Variants in SBNO1 observed in about 807,000 individuals in gnomAD.
SBNO1 encodes the protein strawberry notch homolog 1.
In SBNO1, 23 loss-of-function variants were observed where a neutral mutation model predicts 173.6. The ratio of observed to expected loss-of-function variants is 0.13; its 90% CI spans 0.10 to 0.19. The LOEUF is 0.19. SBNO1 is among the 10% of genes least tolerant of loss of function. The probability of loss-of-function intolerance (pLI) is 1.00; values close to 1 mark genes in which losing one functional copy is unlikely to be tolerated. For missense variants in SBNO1, 1,238 were observed against 1,671.2 expected, an observed-to-expected ratio of 0.74 and a Z score of 4.52; for synonymous variants, 632 against 571.5, an observed-to-expected ratio of 1.11 and a Z score of -1.51.
chr12:123,296,001 T>G lies in SBNO1; in HGVS notation c.4089A>C (p.Ser1363=). Residue 1363 remains serine, a synonymous_variant, in exon 32 of 32, where the codon TCA becomes TCC. Transcript: ENST00000602398. ...NCVSPLVNLL[S]TSDQSQQLAV... is the part of the protein sequence containing the mutation. ...CAAGCTGTTGAGACTGGTCTGAAGT[T>G]GATAGGAGATTTACAAGAGGAGACA... The G allele has an allele frequency of 6.2e-7, 1 of 1,614,048 alleles. No individual in the cohort carries two copies. Among genetic ancestry groups the G allele is most frequent in the Non-Finnish European group, 8.5e-7 (1 of 1,179,920 alleles).
At chr12:123,325,799 C>A (rs947838348) in intron 14 of SBNO1, among the ~76,000 whole-genome samples, 200 bp from the exon 15 acceptor site, 1 of 152,132 alleles carries the variant, frequency 6.6e-6, no homozygotes, top group African/African-American at 2.4e-5. Flanking sequence ...GATAGGATTA[C>A]AGACAGTAGT....
chr12:123,330,484 A>G lies in SBNO1; in HGVS notation c.1069T>C (p.Tyr357His), dbSNP rs1478685277. ...LWFSVSNDLK[Y>H]DAERDLRDIG... Reference sequence around the variant, plus strand: ...TCCCTTAAATCTCTTTCAGCATCATACTTTAAGTCATTTGAAACACTAAAC... The same window carrying G: ...TCCCTTAAATCTCTTTCAGCATCATGCTTTAAGTCATTTGAAACACTAAAC... Residue 357 changes from tyrosine (Y) to histidine (H), a missense_variant, in exon 9 of 32, where the codon TAT (tyrosine) becomes CAT (histidine). Tyr to His is a moderately conservative substitution (Grantham distance 83). This residue lies in a region of SBNO1 where 56 missense variants were observed against 65.1 expected (regional missense o/e 0.86). Coordinates refer to ENST00000602398, the MANE Select transcript of SBNO1 (RefSeq NM_001167856.3). 2 of 1,601,366 alleles carry G rather than the reference A, an allele frequency of 1.2e-6. No individual in the cohort carries two copies.
rs1180809838 is a variant in SBNO1, at chr12:123,309,853, T to A, written c.3299A>T (p.Tyr1100Phe). 1 of 1,581,206 alleles carries A rather than the reference T, an allele frequency of 6.3e-7. No individual in the cohort carries two copies. Among genetic ancestry groups the A allele is most frequent in the Non-Finnish European group, 8.6e-7 (1 of 1,164,938 alleles). ...ATTTAAGAATTTTCCTATGTTGTTA[T>A]AATCTGTAATGACAAAAGATAAACG... is the stretch of plus-strand genomic sequence containing the variant. The part of the protein sequence containing the change: ...RSGILTLDKD[Y>F]NNIGKFLNRI... Residue 1100 changes from tyrosine (Y) to phenylalanine (F), a missense_variant, in exon 26 of 32, where the codon TAT becomes TTT. Physicochemically the swap from Tyr to Phe is conservative, Grantham distance 22 (BLOSUM62 3). Around this residue, in one of 14 missense-constraint regions of SBNO1, gnomAD observed 351 missense variants for 420.3 expected, o/e 0.84. Coordinates refer to ENST00000602398, the MANE Select transcript of SBNO1 (RefSeq NM_001167856.3).
Position 123,309,397 on chromosome 12 carries a change from A to T in SBNO1, c.3543T>A (p.Ser1181Arg), listed in dbSNP as rs773177578. ...TSGHVELYTI[S>R]VERGMSWEEA... ...CCTCCCATGACATTCCCCTCTCTAC[A>T]CTAATCTGTAAGAGAAACAACGAAA... The change falls in exon 28 of 32, where the codon AGT becomes AGA. Residue 1181 changes from serine (S) to arginine (R), a missense_variant. Coordinates refer to ENST00000602398, the MANE Select transcript of SBNO1 (RefSeq NM_001167856.3). 6.2e-7 allele frequency: 1 copy of T among 1,613,184 alleles called. No individual in the cohort carries two copies. The highest frequency in any genetic ancestry group is 8.5e-7 in the Non-Finnish European group (1 of 1,179,150).
In SBNO1 at chr12:123,345,175, A is replaced by G; in HGVS notation, c.550+83T>C. On this transcript the variant is annotated intron_variant, in intron 4 of 31. Coordinates refer to ENST00000602398, the MANE Select transcript of SBNO1 (RefSeq NM_001167856.3). ...ACACCCTTTTATGGCCAGTTCTTTAAAAACCCAAGCAAATCGTTTAAAAAA... is the reference window on the plus strand; with the variant it reads ...ACACCCTTTTATGGCCAGTTCTTTAGAAACCCAAGCAAATCGTTTAAAAAA... 8 of 1,231,888 alleles carry G rather than the reference A, an allele frequency of 6.5e-6. No individual in the cohort carries two copies. The South Asian group carries it at 1.1e-4, about 18-fold the overall frequency. 76.3% of individuals were successfully genotyped at this position (1,231,888 alleles called of 1,614,324 possible).
chr12:123,308,895 G>A (rs1317432102), intron 28 of SBNO1, among the ~76,000 whole-genome samples: 1 of 152,146 alleles, frequency 6.6e-6, no homozygotes, highest in Non-Finnish European at 1.5e-5. Context: ...CCTGAGGTCG[G>A]GAGTTTGAGA....
Position 123,348,135 on chromosome 12 carries a change from TG to T in SBNO1, c.133-3del. ...TTCTAATGCACTAAGTGGCACTGACTGGAGAGAAAACAACATCAGACAAAAA... is the reference window on the plus strand; with the variant it reads ...TTCTAATGCACTAAGTGGCACTGACTGAGAGAAAACAACATCAGACAAAAA... On this transcript the variant is annotated splice_region_variant and splice_polypyrimidine_tract_variant and intron_variant, in intron 2 of 31. Coordinates refer to ENST00000602398, the MANE Select transcript of SBNO1 (RefSeq NM_001167856.3). The T allele has an allele frequency of 6.4e-7, 1 of 1,562,834 alleles. No homozygotes were observed. Among genetic ancestry groups the T allele is most frequent in the Non-Finnish European group, 8.7e-7 (1 of 1,143,674 alleles).
chr12:123,361,894 A>G (rs900310110), intron 1 of SBNO1, among the ~76,000 whole-genome samples: 21 of 152,168 alleles, frequency 1.4e-4, no homozygotes, highest in African/African-American at 5.1e-4. Context: ...TAATCCCAGC[A>G]CTTTGGGAGG....
chr12:123,311,561 G>A (rs547013615), intron 24 of SBNO1, among the ~76,000 whole-genome samples: 1 of 151,856 alleles, frequency 6.6e-6, no homozygotes, highest in Admixed American at 6.6e-5. Flanking sequence ...CGCCATGTTG[G>A]CCAGGCTGGT....
In SBNO1 at chr12:123,341,055, G is replaced by A. The variant is rs201237443; in HGVS notation, c.584C>T (p.Ser195Phe). ...DVSNGTVKKESSNKEGARMWI... is the reference protein window; with the variant it reads ...DVSNGTVKKEFSNKEGARMWI... ...CATTCTAGCTCCTTCTTTATTAGAAGACTCTTTCTTTACTGTACCATTGCT... is the reference window on the plus strand; with the variant it reads ...CATTCTAGCTCCTTCTTTATTAGAAAACTCTTTCTTTACTGTACCATTGCT... Residue 195 changes from serine (S) to phenylalanine (F), a missense_variant, in exon 5 of 32, where the codon TCT becomes TTT. This residue lies in a region of SBNO1 where 287 missense variants were observed against 274.1 expected (regional missense o/e 1.05). Transcript: ENST00000602398. 31 of 1,601,662 alleles carry A rather than the reference G, an allele frequency of 1.9e-5. No homozygotes were observed. The East Asian group carries it at 6.7e-4, about 35-fold the overall frequency.
At chr12:123,333,905 T>C in intron 7 of SBNO1, 148 bp downstream of exon 7, 1 of 523,740 alleles carries the variant, frequency 1.9e-6, no homozygotes, top group South Asian at 4.2e-5. Context: ...GCTACACTTC[T>C]AAAATTTAAT....
intron 2 of SBNO1, chr12:123,349,144 G>A (rs1319659908): frequency 6.6e-6 from 1 of 151,980 alleles, no homozygotes; most frequent in East Asian, 1.9e-4. Flanking sequence ...CTGTCACCCA[G>A]GCTAAAGTGC....
chr12:123,331,697 A>G (rs563282020), intron 7 of SBNO1, among the ~76,000 whole-genome samples: 3 of 151,462 alleles, frequency 2.0e-5, no homozygotes, highest in Admixed American at 6.6e-5. Context: ...AATTTTTTCT[A>G]TTTTTAGTAG....
intron 23 of SBNO1, 133 bp downstream of exon 23, chr12:123,315,240 G>A: frequency 1.5e-6 from 1 of 654,474 alleles, no homozygotes; most frequent in Non-Finnish European, 2.7e-6. Flanking sequence ...CTGTCTTATA[G>A]GAAGCCATGA....
chr12:123,295,519 C>T lies in SBNO1; in HGVS notation c.*389G>A, dbSNP rs908462410. On this transcript the variant is annotated 3_prime_UTR_variant, in exon 32 of 32. Coordinates refer to ENST00000602398, the MANE Select transcript of SBNO1 (RefSeq NM_001167856.3). The stretch of plus-strand genomic sequence containing the variant: ...CTCCCACAGCAATGGCATGGATGTA[C>T]TGCGTTAACCCTGAGCACTGTATAA... 6.2e-6 allele frequency: 1 copy of T among 160,972 alleles called. No homozygotes were observed. The highest frequency in any genetic ancestry group is 2.4e-5 in the African/African-American group (1 of 41,740). The allele number at this position is 160,972 out of a possible 1,614,324, so 10.0% of individuals were successfully genotyped here.
chr12:123,349,915 A>G (rs1304435723), intron 2 of SBNO1, among the ~76,000 whole-genome samples: 2 of 139,844 alleles, frequency 1.4e-5, no homozygotes, highest in Non-Finnish European at 3.2e-5. Context: ...TCCGTCTCAG[A>G]AAAAAAAAAA....
intron 6 of SBNO1, among the ~76,000 whole-genome samples, chr12:123,336,186 T>C (rs1871818362): frequency 6.6e-6 from 1 of 152,196 alleles, no homozygotes; most frequent in African/African-American, 2.4e-5. Context: ...ATCTTAGCTT[T>C]ATATATCTTT....
At chr12:123,359,649 T>C (rs1468406850) in intron 1 of SBNO1, among the ~76,000 whole-genome samples, 2 of 151,998 alleles carry the variant, frequency 1.3e-5, no homozygotes, top group African/African-American at 2.4e-5. Context: ...GCAATAAAAA[T>C]ATTTGAAAAG....
chr12:123,308,869 C>A (rs971648857), intron 28 of SBNO1, among the ~76,000 whole-genome samples: 12 of 152,076 alleles, frequency 7.9e-5, no homozygotes, highest in Non-Finnish European at 1.6e-4. Context: ...TTTGGAAGGC[C>A]GAGGCAGGCA....
Sources: gnomAD v4.1 joint callset for allele counts (sites outside exome capture counted in the v4.1 genomes callset) on GRCh38, gnomAD v4.1.1 for gene constraint, gnomAD v4.1.1 regional missense constraint, MANE v1.5 for transcripts, NCBI Gene and HGNC (gene_info 2026-07-23, HGNC 2026-07-21) for gene names.